The following ARSD variants were observed in gnomAD, a reference collection of about 807,000 sequenced individuals.
ARSD encodes arylsulfatase D.
ARSD carries 21 observed loss-of-function variants against 32.6 expected under a neutral mutation model. The observed-to-expected ratio is 0.64, with a 90% CI of 0.46 to 0.93. ARSD has a LOEUF of 0.93. ARSD is among the 40% of genes least tolerant of loss of function. ARSD has a pLI of 0.00. For synonymous variants in ARSD, 224 were observed against 237.4 expected, an observed-to-expected ratio of 0.94 and a Z score of 0.52; for missense variants, 454 against 520.9, an observed-to-expected ratio of 0.87 and a Z score of 1.25.
chrX:2,913,410 C>T (rs910197066), intron 6 of ARSD: 2 of 549,695 alleles, frequency 3.6e-6, no homozygotes, highest in African/African-American at 5.2e-5. Flanking sequence ...ATGGCATGAA[C>T]CAGTCTCTCA....
chrX:2,908,609 CCCATCCATCCATCCATCCATTCATCCAT>C, intron 9 of ARSD, 84 bp downstream of exon 9: 2 of 787,771 alleles, frequency 2.5e-6, no homozygotes, highest in East Asian at 3.9e-5. Flanking sequence ...TGTCCATCCA[CCCATCCATCCATCCATCCATTCATCCAT>C]CCATCCATCC....
rs1227725880 is a variant in ARSD, at chrX:2,929,320, C to T, written c.-45G>A. 2 of 923,568 alleles carry T rather than the reference C, an allele frequency of 2.2e-6. No individual in the cohort carries two copies. Among genetic ancestry groups the T allele is most frequent in the Middle Eastern group, 4.5e-4 (1 of 2,206 alleles). 76.1% of individuals were successfully genotyped at this position (923,568 alleles called of 1,213,427 possible). On this transcript the variant is annotated 5_prime_UTR_variant, in exon 1 of 10. Transcript: ENST00000381154. Reference sequence around the variant, plus strand: ...GCGCAGGACCTTGCCCTGCGCACTCCGCGCCCGGGCGCCGCTAGTGCCAAG... The same window carrying T: ...GCGCAGGACCTTGCCCTGCGCACTCTGCGCCCGGGCGCCGCTAGTGCCAAG...
chrX:2,917,348 A>G (rs947772301), intron 5 of ARSD, among the ~76,000 whole-genome samples: 11 of 111,953 alleles, frequency 9.8e-5, no homozygotes, highest in African/African-American at 3.6e-4. Flanking sequence ...TGGGAAACCC[A>G]GCCACATGAA....
chrX:2,915,902 C>A (rs111382152), intron 5 of ARSD, among the ~76,000 whole-genome samples: 21 of 109,872 alleles, frequency 1.9e-4, no homozygotes, highest in Non-Finnish European at 1.9e-4. Flanking sequence ...GAGGCTGAGG[C>A]GGGAGGATCA....
chrX:2,929,252 TC>T lies in ARSD; in HGVS notation c.23del (p.Gly8AspfsTer21). On this transcript the variant is annotated frameshift_variant, in exon 1 of 10. Transcript: ENST00000381154. LOFTEE classifies it high-confidence loss of function. MRSAARR[G>X]RAAPAARDSL... ...GGCACCTGGCGGCGGGCGCGGCGCG[TC>T]CCCTCCGCGCGGCGGATCGCATGGC... 1 of 1,030,910 alleles carries T rather than the reference TC, an allele frequency of 9.7e-7. No individual in the cohort carries two copies. Among genetic ancestry groups the T allele is most frequent in the Non-Finnish European group, 1.2e-6 (1 of 812,698 alleles). The allele number at this position is 1,030,910 out of a possible 1,213,427, so 85.0% of individuals were successfully genotyped here.
rs1247072524 is a variant in ARSD at position 2,907,274 on chromosome X, G to T, written c.1779C>A (p.Pro593=). 1 of 1,202,494 alleles carries T rather than the reference G, an allele frequency of 8.3e-7. No individual in the cohort carries two copies. Among genetic ancestry groups the T allele is most frequent in the Non-Finnish European group, 1.1e-6 (1 of 890,243 alleles). The stretch of plus-strand genomic sequence containing the variant: ...TCCTCTCTCACAGTCCTGGCATTCA[G>T]GGGGTGCCATCCCCATCCTCGTGGC... ...CSCHEDGDGT[P] Residue 593 remains proline (P), a synonymous_variant, in exon 10 of 10, where the codon CCC becomes CCA. Coordinates refer to ENST00000381154, the MANE Select transcript of ARSD (RefSeq NM_001669.4).
intron 6 of ARSD, 66 bp downstream of exon 6, chrX:2,915,490 C>G (rs911184651): frequency 8.4e-7 from 1 of 1,185,783 alleles, no homozygotes; most frequent in Non-Finnish European, 1.1e-6. Flanking sequence ...GATGGCCAGT[C>G]TGTTACGCCC....
chrX:2,924,416 T>C (rs1176348871), intron 2 of ARSD, among the ~76,000 whole-genome samples: 1 of 113,687 alleles, frequency 8.8e-6, no homozygotes. Flanking sequence ...CTCCTGAGGT[T>C]GGCAGCTATT....
At chrX:2,924,486 G>T (rs1387369073) in intron 2 of ARSD, among the ~76,000 whole-genome samples, 1 of 113,253 alleles carries the variant, frequency 8.8e-6, no homozygotes, top group African/African-American at 3.2e-5. Flanking sequence ...CCCACCAAAT[G>T]GAATAAGGAG....
rs151213601 is a variant in ARSD at position 2,921,968 on chromosome X, G to A, written c.251C>T (p.Ala84Val). 151 of 1,208,678 alleles carry A rather than the reference G, an allele frequency of 1.2e-4. No homozygotes were observed. The highest frequency in any genetic ancestry group is 2.3e-4 in the Middle Eastern group (1 of 4,349). ...EEGVRLTQHL[A>V]AAPLCTPSRA... ...GCTTGGGGTGCAGAGCGGGGCGGCC[G>A]CCAGGTGCTGAGTGAGCCTCACACC... The change falls in exon 3 of 10, where the codon GCG (alanine) becomes GTG (valine). Residue 84 changes from alanine (A) to valine (V), a missense_variant. Ala to Val is a moderately conservative substitution (Grantham distance 64). Transcript: ENST00000381154.
chrX:2,922,102 CAGGAATAGCTGCA>C, intron 2 of ARSD, 78 bp from the exon 3 acceptor site: 3 of 1,089,689 alleles, frequency 2.8e-6, no homozygotes, highest in Non-Finnish European at 3.6e-6. Context: ...CTGAAAGGCA[CAGGAATAGCTGCA>C]AGGACTTCAC....
At position 2,918,161 on chromosome X, in the gene ARSD, C is replaced by T. The variant is rs762646315; in HGVS notation, c.506G>A (p.Gly169Glu). Reference protein sequence around the residue: ...GDHCHHPLNHGFDYFYGMPFT... With the variant: ...GDHCHHPLNHEFDYFYGMPFT... ...GGGCATGCCGTAGAAATAGTCAAAT[C>T]CGTGGTTCAGGGGGTGGTGGCAGTG... Residue 169 changes from glycine (G) to glutamate (E), a missense_variant, in exon 5 of 10, where the codon GGA (glycine) becomes GAA (glutamate). Transcript: ENST00000381154. 2 of 1,196,162 alleles carry T rather than the reference C, an allele frequency of 1.7e-6. No individual in the cohort carries two copies. The highest frequency in any genetic ancestry group is 3.6e-5 in the South Asian group (2 of 54,992).
intron 1 of ARSD, 91 bp downstream of exon 1, chrX:2,929,141 C>T: frequency 4.6e-6 from 4 of 873,028 alleles, no homozygotes; most frequent in Non-Finnish European, 5.8e-6. Context: ...GGCCCAGGCT[C>T]GCCCGGGGCG....
intron 1 of ARSD, among the ~76,000 whole-genome samples, chrX:2,928,561 T>C (rs1266596458): frequency 4.2e-5 from 4 of 95,290 alleles, no homozygotes; most frequent in Non-Finnish European, 6.3e-5. Context: ...AGGGGCCTTC[T>C]TAGAAATCGG....
At chrX:2,920,078 G>A (rs1182047868) in intron 4 of ARSD, among the ~76,000 whole-genome samples, 2 of 111,382 alleles carry the variant, frequency 1.8e-5, no homozygotes, top group African/African-American at 3.3e-5. Context: ...TGCCCCTGCC[G>A]GGGTTTATTG....
intron 5 of ARSD, among the ~76,000 whole-genome samples, chrX:2,917,002 G>A (rs1248686542): frequency 9.4e-6 from 1 of 106,424 alleles, no homozygotes; most frequent in East Asian, 3.0e-4. Flanking sequence ...GAAGGCAGAG[G>A]TGGGAGGATG....
In ARSD at chrX:2,905,008, C is replaced by T. The variant is rs765180798; in HGVS notation, c.*2263G>A. 24 of 337,425 alleles carry T rather than the reference C, an allele frequency of 7.1e-5. No individual in the cohort carries two copies. Among genetic ancestry groups the T allele is most frequent in the South Asian group, 6.3e-4 (24 of 38,069 alleles). 27.8% of individuals were successfully genotyped at this position (337,425 alleles called of 1,213,427 possible). ...GAAACCTGAGCTCTATAAATGTTGCCTCTCTCCACTCATCTTCTCTTTGGC... is the reference window on the plus strand; with the variant it reads ...GAAACCTGAGCTCTATAAATGTTGCTTCTCTCCACTCATCTTCTCTTTGGC... On this transcript the variant is annotated 3_prime_UTR_variant, in exon 10 of 10. Transcript: ENST00000381154.
chrX:2,915,832 C>T (rs2088953277), intron 5 of ARSD, 140 bp from the exon 6 acceptor site: 1 of 560,194 alleles, frequency 1.8e-6, no homozygotes, highest in Non-Finnish European at 2.7e-6. Flanking sequence ...TGGGTGAACA[C>T]AGAAAGAATA....
chrX:2,911,159 G>T (rs2088897582), intron 6 of ARSD, among the ~76,000 whole-genome samples: 1 of 111,588 alleles, frequency 9.0e-6, no homozygotes, highest in Non-Finnish European at 1.9e-5. Context: ...ATCACCTGAG[G>T]CCAGGAGTTC....
Sources: allele counts gnomAD v4.1 joint callset (sites outside exome capture counted in the v4.1 genomes callset), GRCh38; gene constraint gnomAD v4.1.1; transcripts MANE v1.5; gene names NCBI Gene and HGNC (gene_info 2026-07-23, HGNC 2026-07-21).